Variants in EFCAB3 observed in about 807,000 individuals in gnomAD.
EFCAB3 encodes the protein EF-hand calcium-binding domain-containing protein 3.
In EFCAB3, 36 loss-of-function variants were observed where a neutral mutation model predicts 42.2. The observed-to-expected ratio is 0.85, with a 90% CI of 0.65 to 1.13. The LOEUF is 1.13. EFCAB3 is among the 50% of genes most tolerant of loss of function. The pLI is 0.00. For synonymous variants in EFCAB3, 170 were observed against 172.8 expected, an observed-to-expected ratio of 0.98 and a Z score of 0.13; for missense variants, 418 against 505.1, an observed-to-expected ratio of 0.83 and a Z score of 1.65.
At chr17:62,376,278 G>T (rs377339382), upstream of EFCAB3, among the ~76,000 whole-genome samples, 2 of 152,090 alleles carry the variant, frequency 1.3e-5, no homozygotes, top group Admixed American at 6.6e-5. Flanking sequence ...TTAGAGACCA[G>T]CCTGGCCAAC....
At chr17:62,377,069 T>TC (rs776882388), upstream of EFCAB3, among the ~76,000 whole-genome samples, 3 of 152,016 alleles carry the variant, frequency 2.0e-5, no homozygotes, top group Non-Finnish European at 2.9e-5. Context: ...AGTGACCAGA[T>TC]CAGAGGCAGG....
intron 3 of EFCAB3, among the ~76,000 whole-genome samples, chr17:62,389,463 A>C (rs1598010387): frequency 2.0e-5 from 3 of 152,326 alleles, no homozygotes; most frequent in Admixed American, 2.0e-4. Flanking sequence ...GAAACTAGAA[A>C]ATGTGTTCGT....
chr17:62,384,483 T>C (rs749368432), intron 2 of EFCAB3, among the ~76,000 whole-genome samples: 34 of 152,034 alleles, frequency 2.2e-4, no homozygotes, highest in Non-Finnish European at 4.3e-4. Flanking sequence ...GGTGTGGTGG[T>C]GCACACTTGT....
At chr17:62,397,315 T>C in intron 6 of EFCAB3, 1 of 320,566 alleles carries the variant, frequency 3.1e-6, no homozygotes, top group Non-Finnish European at 6.0e-6. Context: ...AGTCCATGAG[T>C]TTGAGACCAG....
In EFCAB3 at chr17:62,395,117, A is replaced by G. The variant is rs2070337653; in HGVS notation, c.417A>G (p.Leu139=). The change falls in exon 6 of 10, where the codon CTA becomes CTG. Residue 139 remains leucine (L), a synonymous_variant. Transcript: ENST00000305286. ...ATTTGGCTGGCAACCCAGGAATCCT[A>G]TTGTTTGAAATCCTATCAAGGCTTC... is the stretch of plus-strand genomic sequence containing the variant. ...CLDLAGNPGI[L]LFEILSRLLE... The G allele has an allele frequency of 1.2e-6, 2 of 1,614,134 alleles. No homozygotes were observed. Among genetic ancestry groups the G allele is most frequent in the Non-Finnish European group, 8.5e-7 (1 of 1,180,020 alleles).
chr17:62,371,757 G>A (rs1567718167), intron 1 of EFCAB3, among the ~76,000 whole-genome samples: 1 of 152,118 alleles, frequency 6.6e-6, no homozygotes. Flanking sequence ...GGGGTTGTTT[G>A]TTTATTGAAA....
intron 6 of EFCAB3, among the ~76,000 whole-genome samples, chr17:62,396,922 A>G (rs1263918740): frequency 1.3e-5 from 2 of 152,128 alleles, no homozygotes; most frequent in African/African-American, 4.8e-5. Context: ...AAGAATATAC[A>G]TATTATCTAA....
At chr17:62,374,375 C>T (rs2070134984) in intron 2 of EFCAB3, among the ~76,000 whole-genome samples, 1 of 152,166 alleles carries the variant, frequency 6.6e-6, no homozygotes, top group East Asian at 1.9e-4. Flanking sequence ...GCAGGAGAAT[C>T]GCTTGAACCT....
At chr17:62,380,983 C>A (rs111578797) in intron 1 of EFCAB3, among the ~76,000 whole-genome samples, 6,496 of 152,216 alleles carry the variant, frequency 0.043, 489 homozygotes, top group African/African-American at 0.15. Context: ...AGTGAACTAT[C>A]AAATACACTC....
intron 6 of EFCAB3, chr17:62,397,657 C>T (rs1172164561): frequency 3.4e-6 from 2 of 595,132 alleles, no homozygotes; most frequent in Non-Finnish European, 6.5e-6. Flanking sequence ...AAATCACAGC[C>T]TTTGTACCCA....
upstream of EFCAB3, among the ~76,000 whole-genome samples, chr17:62,377,327 G>A (rs1027960749): frequency 1.3e-5 from 2 of 151,988 alleles, no homozygotes; most frequent in Non-Finnish European, 2.9e-5. Flanking sequence ...GGTTTATCTG[G>A]CCAGGCCAAA....
chr17:62,380,334 A>G (rs976210093), upstream of EFCAB3, among the ~76,000 whole-genome samples: 10 of 152,238 alleles, frequency 6.6e-5, no homozygotes, highest in Non-Finnish European at 7.3e-5. Context: ...ATATATTAAT[A>G]TAGAACTTGA....
chr17:62,401,998 C>T (rs981852143), intron 6 of EFCAB3, among the ~76,000 whole-genome samples: 1 of 152,088 alleles, frequency 6.6e-6, no homozygotes, highest in Non-Finnish European at 1.5e-5. Flanking sequence ...TTGAAGAGGT[C>T]CTTCACATCC....
intron 1 of EFCAB3, among the ~76,000 whole-genome samples, chr17:62,381,467 T>C (rs2070197966): frequency 6.6e-6 from 1 of 152,092 alleles, no homozygotes; most frequent in Non-Finnish European, 1.5e-5. Context: ...TTCTGGTCCA[T>C]AAGCCCTGTT....
rs771065066 is a variant in EFCAB3 at position 62,406,520 on chromosome 17, T to C, written c.529T>C (p.Leu177=). Residue 177 remains leucine (L), a synonymous_variant, in exon 7 of 10, where the codon TTG becomes CTG. Coordinates refer to ENST00000305286, the MANE Select transcript of EFCAB3 (RefSeq NM_173503.4). Reference sequence around the variant, plus strand: ...ATTCCAGCATACTGGCCCAGGAATGTTGTGGAGTCCCTACACTATGGGCTA... The same window carrying C: ...ATTCCAGCATACTGGCCCAGGAATGCTGTGGAGTCCCTACACTATGGGCTA... ...RKFQHTGPGM[L]WSPYTMGYGK... is the part of the protein sequence containing the mutation. The C allele has an allele frequency of 2.7e-5, 44 of 1,612,368 alleles. No individual in the cohort carries two copies. The highest frequency in any genetic ancestry group is 3.5e-5 in the Non-Finnish European group (41 of 1,179,132).
chr17:62,392,050 G>T, intron 4 of EFCAB3, 85 bp downstream of exon 4: 1 of 1,325,638 alleles, frequency 7.5e-7, no homozygotes, highest in Admixed American at 2.6e-5. Context: ...ATAAACATGA[G>T]AAACAAATCT....
At chr17:62,378,394 G>C (rs1167501187), upstream of EFCAB3, among the ~76,000 whole-genome samples, 1 of 152,118 alleles carries the variant, frequency 6.6e-6, no homozygotes, top group Non-Finnish European at 1.5e-5. Flanking sequence ...AGTGTCCTTA[G>C]CAGTAAAATA....
upstream of EFCAB3, among the ~76,000 whole-genome samples, chr17:62,379,126 G>A (rs1158404309): frequency 6.6e-6 from 1 of 152,044 alleles, no homozygotes; most frequent in Non-Finnish European, 1.5e-5. Flanking sequence ...AAAGAATGCT[G>A]TAACACAACA....
At position 62,416,123 on chromosome 17, in the gene EFCAB3, T is replaced by C; in HGVS notation, c.1111T>C (p.Phe371Leu). 1 of 1,613,994 alleles carries C rather than the reference T, an allele frequency of 6.2e-7. No individual in the cohort carries two copies. The highest frequency in any genetic ancestry group is 8.5e-7 in the Non-Finnish European group (1 of 1,179,852). ...LIGMDSRNES[F>L]YDTFSTYTWS... ...TGGGATGGACTCTAGAAATGAGTCC[T>C]TTTATGACACCTTTTCTACTTATAC... The change falls in exon 10 of 10, where the codon TTT (phenylalanine) becomes CTT (leucine). Residue 371 changes from phenylalanine (F) to leucine (L), a missense_variant. Physicochemically the swap from Phe to Leu is conservative, Grantham distance 22. Coordinates refer to ENST00000305286, the MANE Select transcript of EFCAB3 (RefSeq NM_173503.4).
Sources: gnomAD v4.1 joint callset for allele counts (sites outside exome capture counted in the v4.1 genomes callset) on GRCh38, gnomAD v4.1.1 for gene constraint, MANE v1.5 for transcripts, NCBI Gene and HGNC (gene_info 2026-07-23, HGNC 2026-07-21) for gene names.